The following C1QTNF9B variants were observed in gnomAD, a reference collection of about 807,000 sequenced individuals.
C1QTNF9B encodes C1q and TNF related 9B.
In C1QTNF9B, 9 loss-of-function variants were observed where a neutral mutation model predicts 10.1. The observed-to-expected ratio is 0.89, with a 90% CI of 0.53 to 1.55. C1QTNF9B has a LOEUF of 1.55. Among genes scored for constraint, C1QTNF9B ranks in the 40% most tolerant of loss-of-function variants. C1QTNF9B has a pLI of 0.00. For synonymous variants in C1QTNF9B, 79 were observed against 159.9 expected (o/e 0.49, Z 3.82); for missense variants, 196 against 414.4 (o/e 0.47, Z 4.58).
rs564682327 is a variant in C1QTNF9B at position 23,894,279 on chromosome 13, T to C, written c.167-78A>G. On this transcript the variant is annotated intron_variant, in intron 1 of 2. Coordinates refer to ENST00000382137, the Ensembl canonical transcript of C1QTNF9B. ...TCTGGCCATTGGTCTCCATCAGCCATGTGTTGGAGAGTCTGGGGGTGACCC... is the reference window on the plus strand; with the variant it reads ...TCTGGCCATTGGTCTCCATCAGCCACGTGTTGGAGAGTCTGGGGGTGACCC... 137 of 1,163,224 alleles carry C rather than the reference T, an allele frequency of 1.2e-4. 4 individuals carry two copies. In the African/African-American group the frequency reaches 2.6e-3, roughly 22 times the overall value. 72.1% of individuals were successfully genotyped at this position (1,163,224 alleles called of 1,614,324 possible).
upstream of C1QTNF9B, chr13:23,897,022 A>G: frequency 6.2e-7 from 1 of 1,613,228 alleles, no homozygotes; most frequent in African/African-American, 1.3e-5. Flanking sequence ...AGAGGGAAAC[A>G]GAAACCCAGA....
At chr13:23,897,015 G>A, upstream of C1QTNF9B, 1 of 1,613,504 alleles carries the variant, frequency 6.2e-7, no homozygotes, top group Non-Finnish European at 8.5e-7. Flanking sequence ...AACTGAAAGA[G>A]GGAAACAGAA....
exon 3 of C1QTNF9B, chr13:23,891,689 T>C (rs1482460561): frequency 1.9e-6 from 3 of 1,613,994 alleles, no homozygotes; most frequent in Admixed American, 1.7e-5. Flanking sequence ...GAAAGCACTT[T>C]TTGGCAAGAC....
At chr13:23,892,219 T>G (rs1872028616) in intron 2 of C1QTNF9B, 158 bp from the exon 5 acceptor site, 1 of 1,365,694 alleles carries the variant, frequency 7.3e-7, no homozygotes, top group African/African-American at 1.5e-5. Flanking sequence ...CTGGGTGCGG[T>G]GGCTCACACC....
chr13:23,896,125 C>G (rs1872192090), intron 1 of C1QTNF9B, among the ~76,000 whole-genome samples: 1 of 152,186 alleles, frequency 6.6e-6, no homozygotes, highest in Admixed American at 6.5e-5. Context: ...GTGCTCTTAA[C>G]CCAGTGAATC....
At chr13:23,894,282 G>A in intron 1 of C1QTNF9B, 81 bp from the exon 4 acceptor site, 1 of 1,240,130 alleles carries the variant, frequency 8.1e-7, no homozygotes, top group Non-Finnish European at 1.2e-6. Context: ...TCAGCCATGT[G>A]TTGGAGAGTC....
exon 3 of C1QTNF9B, chr13:23,891,279 C>T: frequency 1.3e-6 from 2 of 1,498,276 alleles, no homozygotes; most frequent in Non-Finnish European, 1.8e-6. Flanking sequence ...GATTTATAAA[C>T]TCTCCTCTGT....
At chr13:23,896,572 G>A (rs191159570) in intron 1 of C1QTNF9B, among the ~76,000 whole-genome samples, 29 of 152,286 alleles carry the variant, frequency 1.9e-4, no homozygotes, top group Admixed American at 1.7e-3. Flanking sequence ...GGAGGGCAGG[G>A]GTCATGGCGA....
chr13:23,896,538 C>T lies in C1QTNF9B; in HGVS notation c.166+283G>A, dbSNP rs115162771. 4.5e-3 allele frequency among the ~76,000 whole-genome samples: 684 copies of T among 152,238 alleles called. 6 individuals carry two copies. Among genetic ancestry groups the T allele is most frequent in the African/African-American group, 0.016 (660 of 41,536 alleles). ...ATTGTATACTACTGAAAATGTCCTG[C>T]GGTGTCAGAGATGAGAGAACCCAGG... On this transcript the variant is annotated intron_variant, in intron 1 of 2. Coordinates refer to ENST00000382137, the Ensembl canonical transcript of C1QTNF9B.
At chr13:23,893,698 A>G (rs1317498911) in intron 2 of C1QTNF9B, among the ~76,000 whole-genome samples, 2 of 152,140 alleles carry the variant, frequency 1.3e-5, no homozygotes, top group Non-Finnish European at 2.9e-5. Flanking sequence ...TGGAACTCCT[A>G]GGTTCAAGCG....
intron 2 of C1QTNF9B, among the ~76,000 whole-genome samples, chr13:23,893,621 T>A (rs2137566376): frequency 6.6e-6 from 1 of 152,326 alleles, no homozygotes; most frequent in Admixed American, 6.5e-5. Flanking sequence ...TACAGGCATG[T>A]GCCACCATGC....
At chr13:23,892,757 A>T (rs1872060291) in intron 2 of C1QTNF9B, among the ~76,000 whole-genome samples, 1 of 152,238 alleles carries the variant, frequency 6.6e-6, no homozygotes, top group Non-Finnish European at 1.5e-5. Context: ...CTACTAAATT[A>T]GTGTCAGGGC....
chr13:23,896,704 G>T (rs1872213214), intron 1 of C1QTNF9B, 117 bp downstream of exon 3: 1 of 1,449,772 alleles, frequency 6.9e-7, no homozygotes, highest in African/African-American at 1.4e-5. Context: ...ATGTTGCTGG[G>T]TGGATGGATG....
At chr13:23,896,203 A>G (rs1306497342) in intron 1 of C1QTNF9B, among the ~76,000 whole-genome samples, 4 of 152,238 alleles carry the variant, frequency 2.6e-5, no homozygotes, top group Admixed American at 6.5e-5. Flanking sequence ...TACCCCATTC[A>G]GAAACCAAGT....
Sources: gnomAD v4.1 joint callset for allele counts (sites outside exome capture counted in the v4.1 genomes callset) on GRCh38, gnomAD v4.1.1 for gene constraint, MANE v1.5 for transcripts, NCBI Gene and HGNC (gene_info 2026-07-23, HGNC 2026-07-21) for gene names.